The following CCDC74B variants were observed in gnomAD, a reference collection of about 807,000 sequenced individuals.
CCDC74B encodes the protein coiled-coil domain-containing protein 74B.
In CCDC74B, 34 loss-of-function variants were observed where a neutral mutation model predicts 38.0. The observed-to-expected ratio is 0.89, with a 90% CI of 0.68 to 1.19. CCDC74B has a LOEUF of 1.19. Among genes scored for constraint, CCDC74B ranks in the 50% most tolerant of loss-of-function variants. The pLI is 0.00. For synonymous variants in CCDC74B, 132 were observed against 170.4 expected (o/e 0.77, Z 1.76); for missense variants, 358 against 406.0 (o/e 0.88, Z 1.02).
chr2:130,140,142 G>T (rs1471607022), intron 5 of CCDC74B, 37 bp downstream of exon 5: 1 of 1,611,914 alleles, frequency 6.2e-7, no homozygotes, highest in South Asian at 1.1e-5. Flanking sequence ...GGCGGTGCCA[G>T]ACTGCCCAGG....
chr2:130,144,291 C>G (rs1263759034), intron 1 of CCDC74B: 3 of 458,874 alleles, frequency 6.5e-6, no homozygotes, highest in Non-Finnish European at 1.2e-5. Context: ...AGACGCCCAC[C>G]ACCACACCCA....
At chr2:130,142,544 G>A (rs748587186) in intron 2 of CCDC74B, 64 of 1,552,026 alleles carry the variant, frequency 4.1e-5, no homozygotes, top group Non-Finnish European at 5.4e-5. Flanking sequence ...CAGCGGCTAG[G>A]GAAGGGCCCT....
At position 130,144,827 on chromosome 2, in the gene CCDC74B, A is replaced by T. The variant is rs1430409757; in HGVS notation, c.170T>A (p.Leu57Gln). ...QKRNLDLEKS[L>Q]QFLQQQHSEM... ...CGAGTGCTGCTGCTGCAGGAACTGTAGGCTCTTCTCCAGGTCCAGGTTCCG... is the reference window on the plus strand; with the variant it reads ...CGAGTGCTGCTGCTGCAGGAACTGTTGGCTCTTCTCCAGGTCCAGGTTCCG... Residue 57 changes from leucine to glutamine, a missense_variant, in exon 1 of 8, where the codon CTA becomes CAA. Physicochemically the swap from Leu to Gln is moderately radical, Grantham distance 113. Around this residue, in one of 3 missense-constraint regions of CCDC74B, gnomAD observed 128 missense variants for 146.7 expected, o/e 0.87. Transcript: ENST00000409943. 1.9e-6 allele frequency: 3 copies of T among 1,613,362 alleles called. No homozygotes were observed. The highest frequency in any genetic ancestry group is 1.7e-6 in the Non-Finnish European group (2 of 1,179,822).
intron 1 of CCDC74B, among the ~76,000 whole-genome samples, chr2:130,143,667 G>GC (rs1436422487): frequency 3.4e-4 from 52 of 151,450 alleles, no homozygotes; most frequent in East Asian, 1.5e-3. Flanking sequence ...ATCAGGGACT[G>GC]GGGGGAGGCT....
rs1185173869 is a variant in CCDC74B, at chr2:130,143,269, C to T, written c.295G>A (p.Asp99Asn). 1.9e-6 allele frequency: 3 copies of T among 1,613,738 alleles called. No homozygotes were observed. Among genetic ancestry groups the T allele is most frequent in the Non-Finnish European group, 2.5e-6 (3 of 1,179,772 alleles). The stretch of plus-strand genomic sequence containing the variant: ...AGGAACTGAAGGGCCCAGTTCTCAC[C>T]TTTCTTCTGTGATGTCTGATTCATT... ...LIMNQTSQKKDSLSTSSFQSV... is the reference protein window; with the variant it reads ...LIMNQTSQKKNSLSTSSFQSV... The change falls in exon 2 of 8, where the codon GAC (aspartate) becomes AAC (asparagine). Residue 99 changes from aspartate (D) to asparagine (N), a missense_variant and splice_region_variant. By Grantham distance (23) the Asp-to-Asn change is conservative (BLOSUM62 1). Around this residue, in one of 3 missense-constraint regions of CCDC74B, gnomAD observed 128 missense variants for 146.7 expected, o/e 0.87. Transcript: ENST00000409943.
At chr2:130,143,154 T>C (rs751226892) in intron 2 of CCDC74B, 115 bp downstream of exon 2, 1 of 1,542,972 alleles carries the variant, frequency 6.5e-7, no homozygotes, top group East Asian at 2.3e-5. Flanking sequence ...CCAGAACCTG[T>C]CCCCACTGGG....
At chr2:130,142,567 T>G in intron 2 of CCDC74B, 1 of 1,550,418 alleles carries the variant, frequency 6.4e-7, no homozygotes, top group Non-Finnish European at 8.7e-7. Context: ...CTCAACCCCA[T>G]TCTCCATGTC....
chr2:130,143,357 G>A (rs1199321741), intron 1 of CCDC74B, 44 bp from the exon 2 acceptor site: 1 of 1,612,688 alleles, frequency 6.2e-7, no homozygotes, highest in Non-Finnish European at 8.5e-7. Context: ...TGAAACCACA[G>A]CCATTCTGAG....
rs1019175607 is a variant in CCDC74B, at chr2:130,141,136, C to T, written c.485+22G>A. On this transcript the variant is annotated intron_variant, in intron 4 of 7. Transcript: ENST00000409943. ...AGACTTACCTGGCCTGCCCTTGCAC[C>T]CCAGGAACACCCAAGCCTTACCTGG... 1.6e-5 allele frequency: 26 copies of T among 1,611,986 alleles called. No homozygotes were observed. The South Asian group carries it at 2.7e-4, about 17-fold the overall frequency.
intron 7 of CCDC74B, 51 bp from the exon 8 acceptor site, chr2:130,139,741 G>T: frequency 6.2e-7 from 1 of 1,609,870 alleles, no homozygotes; most frequent in Non-Finnish European, 8.5e-7. Flanking sequence ...CGAGTGGAGT[G>T]TGTGGGGAGT....
In CCDC74B at chr2:130,139,415, C is replaced by T; in HGVS notation, c.*140G>A. On this transcript the variant is annotated 3_prime_UTR_variant, in exon 8 of 8. Coordinates refer to ENST00000409943, the MANE Select transcript of CCDC74B (RefSeq NM_001258307.2). ...ATAAACAGTTTGTCAGTTTGGAGAT[C>T]AAGTACTTTATCTATCTTGAGTGTT... 1 of 1,097,916 alleles carries T rather than the reference C, an allele frequency of 9.1e-7. No homozygotes were observed. Among genetic ancestry groups the T allele is most frequent in the Non-Finnish European group, 1.3e-6 (1 of 780,538 alleles). The allele number at this position is 1,097,916 out of a possible 1,614,324, so 68.0% of individuals were successfully genotyped here.
intron 2 of CCDC74B, chr2:130,142,583 G>A (rs753505132): frequency 3.4e-5 from 53 of 1,548,696 alleles, no homozygotes; most frequent in Non-Finnish European, 4.4e-5. Flanking sequence ...ATGTCTCTCT[G>A]GGAAGGGAGA....
rs1464143501 is a variant in CCDC74B, at chr2:130,145,015, T to C, written c.-19A>G. 24 of 1,422,040 alleles carry C rather than the reference T, an allele frequency of 1.7e-5. No individual in the cohort carries two copies. In the East Asian group the frequency reaches 5.8e-4, roughly 34 times the overall value. 88.1% of individuals were successfully genotyped at this position (1,422,040 alleles called of 1,614,324 possible). The stretch of plus-strand genomic sequence containing the variant: ...CGCTCATATCGCCATCGCCAGGTAC[T>C]CTCCCGCTGCCACTGCACCCCGGCT... On this transcript the variant is annotated 5_prime_UTR_variant, in exon 1 of 8. Transcript: ENST00000409943.
chr2:130,144,735 G>C lies in CCDC74B; in HGVS notation c.250+12C>G. On this transcript the variant is annotated intron_variant, in intron 1 of 7. Transcript: ENST00000409943. Reference sequence around the variant, plus strand: ...GGAGGCAGGGCCGGCCTAGGGCCCCGCGCCGGCTCACCCTTGTTTTCCCGC... The same window carrying C: ...GGAGGCAGGGCCGGCCTAGGGCCCCCCGCCGGCTCACCCTTGTTTTCCCGC... 6.2e-7 allele frequency: 1 copy of C among 1,610,776 alleles called. No individual in the cohort carries two copies. Among genetic ancestry groups the C allele is most frequent in the Non-Finnish European group, 8.5e-7 (1 of 1,178,978 alleles).
In CCDC74B at chr2:130,139,946, C is replaced by T. The variant is rs375465316; in HGVS notation, c.754G>A (p.Asp252Asn). Reference protein sequence around the residue: ...AVPEEASFPRDQEATHFPKVS... With the variant: ...AVPEEASFPRNQEATHFPKVS... ...TTGGGGAAATGCGTGGCTTCTTGGT[C>T]CCTGGGTGAAGGAAGAGTCAGCAGT... Residue 252 changes from aspartate to asparagine, a missense_variant and splice_region_variant, in exon 7 of 8, where the codon GAC (aspartate) becomes AAC (asparagine). Asp to Asn is a conservative substitution (Grantham distance 23, BLOSUM62 1). This residue lies in a region of CCDC74B where 213 missense variants were observed against 212.3 expected (regional missense o/e 1.00). Transcript: ENST00000409943. The T allele has an allele frequency of 4.3e-6, 7 of 1,611,398 alleles. No homozygotes were observed. The highest frequency in any genetic ancestry group is 3.4e-6 in the Non-Finnish European group (4 of 1,178,792).
At chr2:130,139,754 G>C (rs1426179135) in intron 7 of CCDC74B, 64 bp from the exon 8 acceptor site, 2 of 1,607,448 alleles carry the variant, frequency 1.2e-6, no homozygotes, top group African/African-American at 2.7e-5. Flanking sequence ...TGGGGAGTGC[G>C]GCCTGCATGG....
At chr2:130,144,439 CCCT>C (rs1685899254) in intron 1 of CCDC74B, 15 of 1,299,620 alleles carry the variant, frequency 1.2e-5, no homozygotes, top group Non-Finnish European at 1.6e-5. Flanking sequence ...GCGCCCGGGC[CCCT>C]CTATAAAGTT....
At chr2:130,141,804 C>T (rs983175132) in intron 3 of CCDC74B, 20 of 494,390 alleles carry the variant, frequency 4.0e-5, no homozygotes, top group African/African-American at 9.7e-5. Flanking sequence ...GGCGGGGACA[C>T]GGCCAAGCAG....
Position 130,144,797 on chromosome 2 carries a change from A to G in CCDC74B, c.200T>C (p.Met67Thr). 1 of 1,613,424 alleles carries G rather than the reference A, an allele frequency of 6.2e-7. No individual in the cohort carries two copies. Among genetic ancestry groups the G allele is most frequent in the Non-Finnish European group, 8.5e-7 (1 of 1,179,806 alleles). ...GATCTCCTCATGGAGCTTGGCCAGC[A>G]TCTCCGAGTGCTGCTGCTGCAGGAA... ...LQFLQQQHSE[M>T]LAKLHEEIEH... is the part of the protein sequence containing the mutation. Residue 67 changes from methionine to threonine, a missense_variant, in exon 1 of 8, where the codon ATG (methionine) becomes ACG (threonine). By Grantham distance (81) the Met-to-Thr change is moderately conservative (BLOSUM62 -1). This residue lies in a region of CCDC74B where 128 missense variants were observed against 146.7 expected (regional missense o/e 0.87). Coordinates refer to ENST00000409943, the MANE Select transcript of CCDC74B (RefSeq NM_001258307.2).
Sources: gnomAD v4.1 joint callset for allele counts (sites outside exome capture counted in the v4.1 genomes callset) on GRCh38, gnomAD v4.1.1 for gene constraint, gnomAD v4.1.1 regional missense constraint, MANE v1.5 for transcripts, NCBI Gene and HGNC (gene_info 2026-07-23, HGNC 2026-07-21) for gene names.